RAD51B: variants seen among roughly 807,000 people sequenced by gnomAD.
RAD51B encodes RAD51 paralog B.
Under a neutral mutation model 42.2 loss-of-function variants are expected in RAD51B, and 38 were observed. That is an observed-to-expected ratio of 0.90 (90% CI 0.70 to 1.18). RAD51B has a LOEUF of 1.18. RAD51B is among the 50% of genes most tolerant of loss of function. The pLI, the probability that RAD51B is intolerant of heterozygous loss-of-function variation, is 0.00. For missense variants in RAD51B, 373 were observed against 400.7 expected (o/e 0.93, Z 0.59); for synonymous variants, 154 against 145.2 (o/e 1.06, Z -0.43).
intron 7 of RAD51B, among the ~76,000 whole-genome samples, chr14:68,112,848 G>T (rs985117261): frequency 2.0e-5 from 3 of 152,146 alleles, no homozygotes; most frequent in Non-Finnish European, 4.4e-5. Context: ...TAGTCCATGT[G>T]TAGTGGACAT....
At chr14:68,401,254 C>T (rs990444624) in intron 8 of RAD51B, among the ~76,000 whole-genome samples, 2 of 152,184 alleles carry the variant, frequency 1.3e-5, no homozygotes, top group African/African-American at 4.8e-5. Context: ...TCTGTTATCC[C>T]AGTATAACTA....
chr14:68,193,506 T>C (rs2079307962), intron 7 of RAD51B, among the ~76,000 whole-genome samples: 1 of 152,156 alleles, frequency 6.6e-6, no homozygotes, highest in Admixed American at 6.6e-5. Context: ...ATGGAAACAA[T>C]GATATTTAGA....
At chr14:68,538,374 C>T (rs1451687410) in intron 10 of RAD51B, among the ~76,000 whole-genome samples, 1 of 152,220 alleles carries the variant, frequency 6.6e-6, no homozygotes, top group Non-Finnish European at 1.5e-5. Flanking sequence ...CTCTGCTGCC[C>T]TGTATCTGTG....
chr14:67,944,400 C>T (rs994045782), intron 7 of RAD51B, among the ~76,000 whole-genome samples: 1 of 151,954 alleles, frequency 6.6e-6, no homozygotes, highest in African/African-American at 2.4e-5. Context: ...CTGTCTTTGT[C>T]TCTGTATTTT....
Position 68,514,550 on chromosome 14 carries a change from C to T in RAD51B, c.1036+46300C>T, listed in dbSNP as rs117035273. Among the ~76,000 whole-genome samples, 1,095 of 152,318 alleles carry T rather than the reference C, an allele frequency of 7.2e-3. 6 individuals are homozygous for T. Among genetic ancestry groups the T allele is most frequent in the South Asian group, 0.032 (156 of 4,832 alleles). The stretch of plus-strand genomic sequence containing the variant: ...CCTGGCTAAAAGTTCCTCCTGTGGG[C>T]GCGGCTCTCAGAGAGGGGCTCCCAG... On this transcript the variant is annotated intron_variant, in intron 10 of 10. Transcript: ENST00000487270.
intron 7 of RAD51B, among the ~76,000 whole-genome samples, chr14:67,889,669 G>T (rs1434932469): frequency 6.6e-6 from 1 of 151,706 alleles, no homozygotes; most frequent in Non-Finnish European, 1.5e-5. Context: ...GCGCATGAAT[G>T]CATTTAAGTT....
intron 8 of RAD51B, among the ~76,000 whole-genome samples, chr14:68,315,050 C>T (rs2139741880): frequency 6.6e-6 from 1 of 152,338 alleles, no homozygotes; most frequent in South Asian, 2.1e-4. Flanking sequence ...CACCTATTGT[C>T]AGTCCCTCAT....
At chr14:68,501,857 G>A (rs1394286224) in intron 10 of RAD51B, among the ~76,000 whole-genome samples, 1 of 152,268 alleles carries the variant, frequency 6.6e-6, no homozygotes, top group East Asian at 1.9e-4. Context: ...CACCACTGCT[G>A]GATTCCTGCA....
chr14:68,338,832 A>T (rs1433920743), intron 8 of RAD51B: 1 of 599,582 alleles, frequency 1.7e-6, no homozygotes, highest in Non-Finnish European at 3.2e-6. Context: ...GTGACAGTGG[A>T]TCTCATCGTA....
chr14:67,956,139 C>G (rs143241094), intron 7 of RAD51B, among the ~76,000 whole-genome samples: 1 of 152,102 alleles, frequency 6.6e-6, no homozygotes, highest in Non-Finnish European at 1.5e-5. Flanking sequence ...AACAGAGACA[C>G]CAGATTCTTT....
chr14:68,582,899 A>T (rs1890274806), intron 10 of RAD51B, among the ~76,000 whole-genome samples: 1 of 152,216 alleles, frequency 6.6e-6, no homozygotes, highest in African/African-American at 2.4e-5. Context: ...AAAGTGACAC[A>T]AGAAGAGAAA....
intron 9 of RAD51B, among the ~76,000 whole-genome samples, chr14:68,420,576 A>G (rs1196457980): frequency 6.6e-6 from 1 of 152,166 alleles, no homozygotes; most frequent in Admixed American, 6.5e-5. Flanking sequence ...TGCCATTTGT[A>G]AACTGTCATG....
chr14:68,460,209 T>G (rs1190238413), intron 9 of RAD51B, among the ~76,000 whole-genome samples: 2 of 151,930 alleles, frequency 1.3e-5, no homozygotes, highest in South Asian at 4.2e-4. Flanking sequence ...CCCAGCACTT[T>G]GGGAGGCTGA....
At position 68,495,449 on chromosome 14, in the gene RAD51B, CTT is replaced by C. The variant is rs542952501; in HGVS notation, c.1036+27200_1036+27201del. The stretch of plus-strand genomic sequence containing the variant: ...TAAGGATGTCCGATGGCAGAGAGCT[CTT>C]GTTTTAAGTTCTGCATGCCAGGAAG... On this transcript the variant is annotated intron_variant, in intron 10 of 10. Coordinates refer to the RAD51B transcript ENST00000487270. 5.9e-5 allele frequency among the ~76,000 whole-genome samples: 9 copies of C among 152,284 alleles called. No homozygotes were observed. In the East Asian group the frequency reaches 1.7e-3, roughly 29 times the overall value.
chr14:68,510,729 A>G (rs1339143556), intron 10 of RAD51B, among the ~76,000 whole-genome samples: 1 of 152,176 alleles, frequency 6.6e-6, no homozygotes, highest in Non-Finnish European at 1.5e-5. Context: ...GGCTTTTGCC[A>G]TGGGTTTTAT....
chr14:68,006,695 C>A (rs1242372047), intron 7 of RAD51B, among the ~76,000 whole-genome samples: 2 of 151,828 alleles, frequency 1.3e-5, no homozygotes, highest in Non-Finnish European at 2.9e-5. Flanking sequence ...AATATATTTA[C>A]CCAATTTTTT....
In RAD51B at chr14:68,090,683, T is replaced by TTTTA. The variant is rs957253689; in HGVS notation, c.757-201186_757-201183dup. ...GTCTGGGTCTGTATGATTTTATTTA[T>TTTTA]TTTATTTATTTATTTATTATTATTA... On this transcript the variant is annotated intron_variant, in intron 7 of 10. Coordinates refer to ENST00000471583, the MANE Select transcript of RAD51B (RefSeq NM_133510.4). 1.9e-4 allele frequency among the ~76,000 whole-genome samples: 29 copies of TTTTA among 150,396 alleles called. No homozygotes were observed. The South Asian group carries it at 2.9e-3, about 15-fold the overall frequency.
intron 7 of RAD51B, among the ~76,000 whole-genome samples, chr14:68,046,964 G>T (rs957451002): frequency 0.018 from 2,599 of 142,386 alleles, 34 homozygotes; most frequent in Non-Finnish European, 0.024. Context: ...TTTGCTTTTT[G>T]TTTTTTTTTT....
intron 7 of RAD51B, among the ~76,000 whole-genome samples, chr14:67,948,931 CAAAAAAAAAAA>C (rs59465805): frequency 4.1e-4 from 7 of 17,060 alleles, no homozygotes; most frequent in South Asian, 2.9e-3. Flanking sequence ...GACTCTGTCT[CAAAAAAAAAAA>C]AAAAAAAAAA....
Sources: allele counts gnomAD v4.1 joint callset (sites outside exome capture counted in the v4.1 genomes callset), GRCh38; gene constraint gnomAD v4.1.1; transcripts MANE v1.5; gene names NCBI Gene and HGNC (gene_info 2026-07-23, HGNC 2026-07-21).